Variants in AUTS2 observed in about 807,000 individuals in gnomAD.
The protein encoded by AUTS2 is activator of transcription and developmental regulator AUTS2.
A neutral mutation model predicts 112.4 loss-of-function variants in AUTS2; 17 were observed. The observed-to-expected ratio is 0.15, with a 90% CI of 0.10 to 0.23. The LOEUF (loss-of-function observed/expected upper bound fraction) is 0.23, where lower values mean the gene tolerates loss of function less well. AUTS2 is among the 10% of genes least tolerant of loss of function. The pLI, the probability that AUTS2 is intolerant of heterozygous loss-of-function variation, is 1.00. For missense variants in AUTS2, 1,510 were observed against 1,701.6 expected (o/e 0.89, Z 1.98); for synonymous variants, 751 against 702.7 (o/e 1.07, Z -1.09).
chr7:69,859,646 C>T (rs1792887925), intron 1 of AUTS2, among the ~76,000 whole-genome samples: 1 of 152,156 alleles, frequency 6.6e-6, no homozygotes, highest in Non-Finnish European at 1.5e-5. Context: ...CCTGGTTAGC[C>T]ATCTCAAGAT....
At chr7:70,608,538 TG>T (rs1803904113) in intron 5 of AUTS2, among the ~76,000 whole-genome samples, 1 of 152,342 alleles carries the variant, frequency 6.6e-6, no homozygotes. Flanking sequence ...ACAGTTTATT[TG>T]CTATTTTCTT....
intron 1 of AUTS2, among the ~76,000 whole-genome samples, chr7:69,749,225 T>G (rs978602988): frequency 3.3e-5 from 5 of 152,104 alleles, no homozygotes; most frequent in Non-Finnish European, 5.9e-5. Context: ...TTCCTTTGAG[T>G]CCACCGCCCC....
intron 4 of AUTS2, among the ~76,000 whole-genome samples, chr7:70,235,617 C>T (rs1248500538): frequency 1.3e-5 from 2 of 151,956 alleles, no homozygotes; most frequent in African/African-American, 4.8e-5. Flanking sequence ...AAGCAGGATA[C>T]CTATCTTCCA....
intron 2 of AUTS2, among the ~76,000 whole-genome samples, chr7:70,060,436 A>G (rs561755572): frequency 2.3e-3 from 351 of 152,344 alleles, no homozygotes; most frequent in Non-Finnish European, 4.1e-3. Context: ...CTACCCCAGA[A>G]GTCCTGTGGG....
At chr7:70,657,743 C>A (rs541165983) in intron 5 of AUTS2, among the ~76,000 whole-genome samples, 3 of 152,182 alleles carry the variant, frequency 2.0e-5, no homozygotes, top group African/African-American at 7.2e-5. Context: ...CCTGTCATGG[C>A]ATGGGATCCC....
At chr7:69,842,660 A>G (rs557262001) in intron 1 of AUTS2, among the ~76,000 whole-genome samples, 86 of 152,318 alleles carry the variant, frequency 5.6e-4, no homozygotes, top group Non-Finnish European at 7.8e-4. Flanking sequence ...CAGTGACACC[A>G]GTGAGTGTTT....
At chr7:69,622,088 A>G (rs1352472429) in intron 1 of AUTS2, among the ~76,000 whole-genome samples, 4 of 152,166 alleles carry the variant, frequency 2.6e-5, no homozygotes, top group Non-Finnish European at 5.9e-5. Context: ...AGACTTTCCT[A>G]TAGTCTAGTT....
chr7:69,781,135 G>A (rs767855210), intron 1 of AUTS2, among the ~76,000 whole-genome samples: 2 of 152,124 alleles, frequency 1.3e-5, no homozygotes, highest in African/African-American at 2.4e-5. Flanking sequence ...AGCCTTTTCT[G>A]TTTTCTACCG....
intron 2 of AUTS2, among the ~76,000 whole-genome samples, chr7:69,951,126 TTATTGTAGATTTCAA>T (rs1196298730): frequency 6.6e-6 from 1 of 152,174 alleles, no homozygotes; most frequent in East Asian, 1.9e-4. Flanking sequence ...GATAAATATT[TTATTGTAGATTTCAA>T]TATTGTTGCA....
chr7:70,467,593 G>T (rs894282653), intron 5 of AUTS2, among the ~76,000 whole-genome samples: 1 of 152,126 alleles, frequency 6.6e-6, no homozygotes. Flanking sequence ...TTGATTTTTT[G>T]GGGGAAGTTT....
chr7:70,485,390 T>G (rs928859416), intron 5 of AUTS2, among the ~76,000 whole-genome samples: 1 of 152,156 alleles, frequency 6.6e-6, no homozygotes, highest in Non-Finnish European at 1.5e-5. Context: ...AAATGCCGTA[T>G]GTTCTTACCT....
At chr7:69,744,124 T>C (rs1787384069) in intron 1 of AUTS2, among the ~76,000 whole-genome samples, 1 of 152,286 alleles carries the variant, frequency 6.6e-6, no homozygotes, top group Non-Finnish European at 1.5e-5. Flanking sequence ...TTCATTCATG[T>C]TGGCATGTAT....
chr7:70,281,350 A>G (rs1342989274), intron 4 of AUTS2, among the ~76,000 whole-genome samples: 21 of 152,182 alleles, frequency 1.4e-4, no homozygotes. Flanking sequence ...AAACATATCT[A>G]GAGAAAGAGA....
intron 5 of AUTS2, among the ~76,000 whole-genome samples, chr7:70,665,970 G>A (rs537926494): frequency 6.6e-6 from 1 of 152,322 alleles, no homozygotes; most frequent in South Asian, 2.1e-4. Context: ...AGAGGAGTCA[G>A]CATCAAGAAG....
chr7:70,251,496 GGATT>G (rs1249922493), intron 4 of AUTS2, among the ~76,000 whole-genome samples: 1 of 152,016 alleles, frequency 6.6e-6, no homozygotes, highest in African/African-American at 2.4e-5. Flanking sequence ...TTGTATCTTT[GGATT>G]GATATTTTTC....
intron 1 of AUTS2, among the ~76,000 whole-genome samples, chr7:69,803,871 TAAAC>T (rs975096420): frequency 1.3e-5 from 2 of 152,066 alleles, no homozygotes; most frequent in African/African-American, 4.8e-5. Context: ...CTCTACAAAA[TAAAC>T]AAACAAATTA....
intron 5 of AUTS2, among the ~76,000 whole-genome samples, chr7:70,572,314 C>G (rs1299853813): frequency 2.6e-5 from 4 of 152,026 alleles, no homozygotes; most frequent in Admixed American, 2.0e-4. Context: ...ACAGGGTCAC[C>G]TTTGTGGACG....
At chr7:70,031,422 C>G (rs1037582520) in intron 2 of AUTS2, among the ~76,000 whole-genome samples, 2 of 152,048 alleles carry the variant, frequency 1.3e-5, no homozygotes, top group Non-Finnish European at 2.9e-5. Flanking sequence ...GCAGTCAGAC[C>G]GAAGAGAGCA....
intron 6 of AUTS2, among the ~76,000 whole-genome samples, chr7:70,704,606 A>G (rs1181581811): frequency 6.6e-6 from 1 of 152,234 alleles, no homozygotes; most frequent in Non-Finnish European, 1.5e-5. Context: ...GTTGTCTCAG[A>G]AAGTAATATG....
Sources: allele counts gnomAD v4.1 joint callset (sites outside exome capture counted in the v4.1 genomes callset), GRCh38; gene constraint gnomAD v4.1.1; transcripts MANE v1.5; gene names NCBI Gene and HGNC (gene_info 2026-07-23, HGNC 2026-07-21).